SHC3: variants seen among roughly 807,000 people sequenced by gnomAD.
The protein encoded by SHC3 is SHC adaptor protein 3, also known as SHC-transforming protein 3.
A neutral mutation model predicts 60.4 loss-of-function variants in SHC3; 15 were observed. The ratio of observed to expected loss-of-function variants is 0.25; its 90% CI spans 0.17 to 0.38. SHC3 has a LOEUF of 0.38. Among genes scored for constraint, SHC3 ranks in the 10% least tolerant of loss-of-function variants. The pLI, the probability that SHC3 is intolerant of heterozygous loss-of-function variation, is 1.00. For synonymous variants in SHC3, 294 were observed against 325.9 expected, an observed-to-expected ratio of 0.90 and a Z score of 1.05; for missense variants, 677 against 786.1, an observed-to-expected ratio of 0.86 and a Z score of 1.66.
intron 6 of SHC3, among the ~76,000 whole-genome samples, chr9:89,058,898 G>A (rs922316124): frequency 6.2e-5 from 9 of 145,506 alleles, no homozygotes; most frequent in African/African-American, 7.7e-5. Flanking sequence ...GAGGACAGTA[G>A]TGAAGGACGT....
intron 11 of SHC3, 42 bp from the exon 12 acceptor site, chr9:89,013,617 C>T: frequency 6.3e-7 from 1 of 1,586,142 alleles, no homozygotes; most frequent in African/African-American, 1.4e-5. Context: ...ATCTCACAGG[C>T]AGCAAAAAGA....
intron 5 of SHC3, among the ~76,000 whole-genome samples, chr9:89,068,277 T>C (rs1477955535): frequency 1.3e-5 from 2 of 152,216 alleles, no homozygotes; most frequent in African/African-American, 2.4e-5. Flanking sequence ...CAGTAGATTA[T>C]AATCACAGCA....
At chr9:89,109,047 C>T (rs919710176) in intron 2 of SHC3, 25 of 985,426 alleles carry the variant, frequency 2.5e-5, no homozygotes, top group Non-Finnish European at 3.0e-5. Context: ...CCTGACCTTA[C>T]CTGCCCTTCT....
rs1587669438 is a variant in SHC3 at position 89,006,233 on chromosome 9, A to G, written c.*7214T>C. 1 of 152,382 alleles carries G rather than the reference A, an allele frequency of 6.6e-6. No homozygotes were observed. The highest frequency in any genetic ancestry group is 1.9e-4 in the East Asian group (1 of 5,192). 9.4% of individuals were successfully genotyped at this position (152,382 alleles called of 1,614,324 possible). Reference sequence around the variant, plus strand: ...AGCACAGAAATGCACCAGACAGATCATGAAGGGCTAATGCTTGGAAACCAC... The same window carrying G: ...AGCACAGAAATGCACCAGACAGATCGTGAAGGGCTAATGCTTGGAAACCAC... On this transcript the variant is annotated 3_prime_UTR_variant, in exon 12 of 12. Transcript: ENST00000375835.
intron 1 of SHC3, among the ~76,000 whole-genome samples, chr9:89,175,243 A>G (rs1240724427): frequency 6.6e-6 from 1 of 152,240 alleles, no homozygotes. Flanking sequence ...GCCCAGCTGA[A>G]AAGAATATAA....
chr9:89,136,649 G>A (rs997552356), intron 1 of SHC3, among the ~76,000 whole-genome samples: 1 of 152,196 alleles, frequency 6.6e-6, no homozygotes, highest in Admixed American at 6.5e-5. Context: ...ATAGAAATGG[G>A]CAACCAGCAG....
At chr9:89,051,027 T>A (rs941884871) in intron 7 of SHC3, among the ~76,000 whole-genome samples, 2 of 152,048 alleles carry the variant, frequency 1.3e-5, no homozygotes, top group African/African-American at 4.8e-5. Flanking sequence ...AAAATGAATG[T>A]CTTAAACGGA....
intron 10 of SHC3, among the ~76,000 whole-genome samples, chr9:89,039,750 T>A (rs530384578): frequency 6.6e-6 from 1 of 151,422 alleles, no homozygotes; most frequent in South Asian, 2.1e-4. Context: ...AGCAATAGCA[T>A]CACCACCATC....
At chr9:89,152,040 T>C (rs186988456) in intron 1 of SHC3, among the ~76,000 whole-genome samples, 6 of 152,358 alleles carry the variant, frequency 3.9e-5, no homozygotes, top group African/African-American at 1.4e-4. Context: ...TCTAGGATTA[T>C]ATTGTTAGCG....
chr9:89,088,998 TGCAAA>T (rs1825577157), intron 2 of SHC3: 1 of 152,290 alleles, frequency 6.6e-6, no homozygotes, highest in Non-Finnish European at 1.5e-5. Flanking sequence ...GTTCCTCATC[TGCAAA>T]GCTTCCTGCT....
chr9:89,048,813 G>T (rs1227702933), intron 7 of SHC3, among the ~76,000 whole-genome samples: 1 of 152,154 alleles, frequency 6.6e-6, no homozygotes, highest in African/African-American at 2.4e-5. Flanking sequence ...GAGCTGAAAC[G>T]GAAGGCAGGG....
At chr9:89,074,982 C>T (rs1017013913) in intron 4 of SHC3, 127 bp downstream of exon 4, 18 of 1,286,208 alleles carry the variant, frequency 1.4e-5, no homozygotes, top group Middle Eastern at 5.8e-4. Flanking sequence ...GGCCAAAGTT[C>T]ATACTCTAGT....
At chr9:89,163,582 T>G (rs951265374) in intron 1 of SHC3, among the ~76,000 whole-genome samples, 11 of 103,276 alleles carry the variant, frequency 1.1e-4, no homozygotes, top group African/African-American at 4.4e-4. Flanking sequence ...TATTACACTC[T>G]GGGGACTGTT....
chr9:89,127,172 G>T (rs1826176528), intron 1 of SHC3, among the ~76,000 whole-genome samples: 1 of 152,126 alleles, frequency 6.6e-6, no homozygotes, highest in Non-Finnish European at 1.5e-5. Flanking sequence ...CTTAAGAAAT[G>T]AGTCCTTTCT....
chr9:89,109,377 T>C (rs1285791014), intron 2 of SHC3: 3 of 968,716 alleles, frequency 3.1e-6, no homozygotes, highest in African/African-American at 1.8e-5. Flanking sequence ...ACACCCAGGC[T>C]CATGCACACA....
At chr9:89,177,446 G>C (rs2118282312) in intron 1 of SHC3, among the ~76,000 whole-genome samples, 1 of 152,350 alleles carries the variant, frequency 6.6e-6, no homozygotes, top group South Asian at 2.1e-4. Context: ...GACTGGGTGA[G>C]AAAGTAAAGC....
At chr9:89,043,424 C>G (rs1027462756) in intron 9 of SHC3, among the ~76,000 whole-genome samples, 8 of 152,174 alleles carry the variant, frequency 5.3e-5, no homozygotes, top group African/African-American at 1.7e-4. Flanking sequence ...AACGAATCAG[C>G]CTTTAGAAAA....
At chr9:89,041,924 C>G in intron 10 of SHC3, 102 bp downstream of exon 10, 1 of 1,450,994 alleles carries the variant, frequency 6.9e-7, no homozygotes, top group African/African-American at 1.4e-5. Context: ...TTAACCAAAA[C>G]CCTACTATCA....
chr9:89,142,673 CA>C (rs769333860), intron 1 of SHC3, among the ~76,000 whole-genome samples: 3,232 of 83,664 alleles, frequency 0.039, 47 homozygotes, highest in Middle Eastern at 0.19. Flanking sequence ...GAGACTCTGT[CA>C]AAAAAAAAAA....
Sources: allele counts gnomAD v4.1 joint callset (sites outside exome capture counted in the v4.1 genomes callset), GRCh38; gene constraint gnomAD v4.1.1; transcripts MANE v1.5; gene names NCBI Gene and HGNC (gene_info 2026-07-23, HGNC 2026-07-21).